The following CLN3 variants were observed in gnomAD, a reference collection of about 807,000 sequenced individuals.
The protein encoded by CLN3 is CLN3 lysosomal/endosomal transmembrane protein, battenin.
A neutral mutation model predicts 60.7 loss-of-function variants in CLN3; 49 were observed. That is an observed-to-expected ratio of 0.81 (90% confidence interval 0.64 to 1.02). CLN3 has a LOEUF of 1.02. Ranked by LOEUF, CLN3 falls within the 50% of genes least tolerant of loss-of-function variation. CLN3 has a pLI of 0.00. For synonymous variants in CLN3, 256 were observed against 245.8 expected, an observed-to-expected ratio of 1.04 and a Z score of -0.39; for missense variants, 516 against 557.4, an observed-to-expected ratio of 0.93 and a Z score of 0.75.
At chr16:28,490,667 A>G (rs1219047159) in intron 3 of CLN3, among the ~76,000 whole-genome samples, 5 of 148,680 alleles carry the variant, frequency 3.4e-5, no homozygotes, top group Non-Finnish European at 7.5e-5. Context: ...GGCTGAGGCA[A>G]AAGAATGGTG....
chr16:28,481,986 C>CAAAA, intron 14 of CLN3, 119 bp downstream of exon 14: 3 of 566,728 alleles, frequency 5.3e-6, no homozygotes, highest in Non-Finnish European at 5.9e-6. Context: ...GACTCTGTCT[C>CAAAA]AAAAAAAAAA....
At position 28,486,716 on chromosome 16, in the gene CLN3, T is replaced by G. The variant is rs938171442; in HGVS notation, c.461-66A>C. ...TGCCACACTGCCCAGGCCTCTAATG[T>G]GTCTGGCCATGGCCTCCTCAGTATC... is the stretch of plus-strand genomic sequence containing the variant. On this transcript the variant is annotated intron_variant, in intron 7 of 15. Coordinates refer to ENST00000636147, the MANE Select transcript of CLN3 (RefSeq NM_001042432.2). 8.3e-6 allele frequency: 12 copies of G among 1,443,300 alleles called. No homozygotes were observed. The African/African-American group carries it at 1.5e-4, about 19-fold the overall frequency. The allele number at this position is 1,443,300 out of a possible 1,614,324, so 89.4% of individuals were successfully genotyped here.
chr16:28,473,767 A>G (rs1422662126), downstream of CLN3, among the ~76,000 whole-genome samples: 1 of 152,208 alleles, frequency 6.6e-6, no homozygotes, highest in Non-Finnish European at 1.5e-5. Context: ...ATAAAAAAAG[A>G]CAATCCCATT....
At chr16:28,481,938 G>T (rs1212834928) in intron 14 of CLN3, among the ~76,000 whole-genome samples, 167 bp downstream of exon 14, 2 of 150,524 alleles carry the variant, frequency 1.3e-5, no homozygotes, top group Admixed American at 1.3e-4. Context: ...AGTAAGCCAA[G>T]ATTGCGCTAC....
chr16:28,484,019 CG>C lies in CLN3; in HGVS notation c.776del (p.Pro259ArgfsTer32). The C allele has an allele frequency of 1.2e-6, 2 of 1,609,116 alleles. No homozygotes were observed. Among genetic ancestry groups the C allele is most frequent in the Non-Finnish European group, 1.7e-6 (2 of 1,177,758 alleles). ...ARQPLIRTEA[P>X]ESKPGSSSSL... is the part of the protein sequence containing the mutation. Reference sequence around the variant, plus strand: ...TGTGTCTCCTACCTGGCTTCGACTCCGGGGCCTCGGTTCTTATGAGGGGCTG... The same window carrying C: ...TGTGTCTCCTACCTGGCTTCGACTCCGGGCCTCGGTTCTTATGAGGGGCTG... On this transcript the variant is annotated frameshift_variant, in exon 10 of 16. Coordinates refer to ENST00000636147, the MANE Select transcript of CLN3 (RefSeq NM_001042432.2). LOFTEE classifies it high-confidence loss of function.
downstream of CLN3, among the ~76,000 whole-genome samples, chr16:28,470,914 C>T (rs2045946363): frequency 9.0e-6 from 1 of 110,842 alleles, no homozygotes. Context: ...CGGTCTGGGC[C>T]CTCCCTTAGC....
chr16:28,483,040 G>A (rs1375368399), intron 10 of CLN3, among the ~76,000 whole-genome samples: 1 of 151,798 alleles, frequency 6.6e-6, no homozygotes, highest in African/African-American at 2.4e-5. Context: ...GGAGGCAGAG[G>A]TTGTAGTGAG....
In CLN3 at chr16:28,477,338, T is replaced by C; in HGVS notation, c.*178A>G. ...TGATGCCAGGAAGAAACTCCCCAAGTGGGAGACAATGGCTGGCCCCCCTGC... is the reference window on the plus strand; with the variant it reads ...TGATGCCAGGAAGAAACTCCCCAAGCGGGAGACAATGGCTGGCCCCCCTGC... On this transcript the variant is annotated 3_prime_UTR_variant, in exon 16 of 16. Coordinates refer to ENST00000636147, the MANE Select transcript of CLN3 (RefSeq NM_001042432.2). The C allele has an allele frequency of 2.7e-6, 2 of 753,820 alleles. No individual in the cohort carries two copies. The highest frequency in any genetic ancestry group is 2.2e-6 in the Non-Finnish European group (1 of 448,948). The allele number at this position is 753,820 out of a possible 1,614,324, so 46.7% of individuals were successfully genotyped here. A position where few individuals can be genotyped will look rare whatever the true frequency, so the allele number is the denominator to read the frequency against.
In CLN3 at chr16:28,486,558, TC is replaced by T; in HGVS notation, c.533+19del. 1.2e-6 allele frequency: 2 copies of T among 1,608,462 alleles called. No homozygotes were observed. The highest frequency in any genetic ancestry group is 8.5e-7 in the Non-Finnish European group (1 of 1,177,586). ...ACCATGGGACAGCCTCTCCCCACAC[TC>T]CCTGCTCCACCTGCTTACCTGGGGT... On this transcript the variant is annotated intron_variant, in intron 8 of 15. Coordinates refer to ENST00000636147, the MANE Select transcript of CLN3 (RefSeq NM_001042432.2).
In CLN3 at chr16:28,480,245, G is replaced by T. The variant is rs769777391; in HGVS notation, c.1056+1860C>A. ...TTTTTAATTTTTTGTAGAGGTGGGG[G>T]GTCTCACTATGTTGTCCAGTCTGGT... On this transcript the variant is annotated intron_variant, in intron 14 of 15. Coordinates refer to ENST00000636147, the MANE Select transcript of CLN3 (RefSeq NM_001042432.2). Among the ~76,000 whole-genome samples the T allele has an allele frequency of 2.7e-4, 41 of 151,856 alleles. 1 individual carries two copies. The highest frequency in any genetic ancestry group is 4.7e-4 in the Non-Finnish European group (32 of 67,952).
chr16:28,481,613 C>T (rs1203207942), intron 14 of CLN3, among the ~76,000 whole-genome samples: 1 of 152,202 alleles, frequency 6.6e-6, no homozygotes, highest in East Asian at 1.9e-4. Flanking sequence ...CTAAGTCACA[C>T]AGTGGCTGAG....
intron 10 of CLN3, 99 bp downstream of exon 10, chr16:28,483,907 C>T (rs1318625749): frequency 1.2e-6 from 1 of 837,008 alleles, no homozygotes; most frequent in Non-Finnish European, 2.0e-6. Flanking sequence ...AACCAGTACA[C>T]TCACTCTCTT....
Position 28,486,425 on chromosome 16 carries a change from A to G in CLN3, c.599T>C (p.Leu200Pro). The G allele has an allele frequency of 6.2e-7, 1 of 1,613,472 alleles. No homozygotes were observed. Residue 200 changes from leucine to proline, a missense_variant, in exon 9 of 16, where the codon CTG becomes CCG. By Grantham distance (98) the Leu-to-Pro change is moderately conservative (BLOSUM62 -3). Transcript: ENST00000636147. ...GAGLLGALSY[L>P]GLTQAGLSPQ... The stretch of plus-strand genomic sequence containing the variant: ...GGAGAGGCCGGCCTGGGTGAGGCCC[A>G]GGTAGGACAGGGCCCCCAGCAGCCC...
intron 3 of CLN3, 75 bp from the exon 4 acceptor site, chr16:28,489,461 T>G (rs936485270): frequency 2.0e-5 from 21 of 1,028,704 alleles, no homozygotes; most frequent in Non-Finnish European, 3.1e-5. Context: ...AAACCTTCCC[T>G]TACCTGTGCC....
At chr16:28,486,036 C>T (rs1384946546) in intron 9 of CLN3, among the ~76,000 whole-genome samples, 2 of 151,142 alleles carry the variant, frequency 1.3e-5, no homozygotes, top group African/African-American at 2.4e-5. Context: ...CTAACTCTGT[C>T]GCCCGGGCTG....
Position 28,492,033 on chromosome 16 carries a change from A to G in CLN3, c.-90T>C, listed in dbSNP as rs1362294732. ...TGAGGCCTGTACCTTTAAGAGCAGC[A>G]GAATGTTCTGCACTATGCAGAGGCC... is the stretch of plus-strand genomic sequence containing the variant. On this transcript the variant is annotated 5_prime_UTR_variant, in exon 1 of 16. Transcript: ENST00000636147. 1.0e-5 allele frequency: 6 copies of G among 582,042 alleles called. No individual in the cohort carries two copies. Among genetic ancestry groups the G allele is most frequent in the Middle Eastern group, 4.6e-4 (1 of 2,186 alleles). The allele number at this position is 582,042 out of a possible 1,614,324, so 36.1% of individuals were successfully genotyped here. A position where few individuals can be genotyped will look rare whatever the true frequency, so the allele number is the denominator to read the frequency against.
rs983558096 is a variant in CLN3 at position 28,491,283 on chromosome 16, G to T, written c.125+199C>A. The stretch of plus-strand genomic sequence containing the variant: ...AAATAATCCTACAGGTGGTAGGTAT[G>T]AGGATCTTGCTAAATCCGGAAGGTG... On this transcript the variant is annotated intron_variant, in intron 3 of 15. Coordinates refer to ENST00000636147, the MANE Select transcript of CLN3 (RefSeq NM_001042432.2). Among the ~76,000 whole-genome samples the T allele has an allele frequency of 3.2e-4, 49 of 152,254 alleles. 2 individuals are homozygous for T. The highest frequency in any genetic ancestry group is 6.5e-4 in the Non-Finnish European group (44 of 68,048).
At chr16:28,472,872 C>T (rs560316808), downstream of CLN3, among the ~76,000 whole-genome samples, 4 of 150,998 alleles carry the variant, frequency 2.6e-5, no homozygotes, top group African/African-American at 7.3e-5. Context: ...CTCCTGACCT[C>T]GTGATCTGCC....
At chr16:28,469,646 G>T (rs1419316596), downstream of CLN3, 24 of 317,260 alleles carry the variant, frequency 7.6e-5, no homozygotes, top group South Asian at 2.3e-5. Context: ...AAGGGGGTCG[G>T]TTTATGCTGG....
Sources: gnomAD v4.1 joint callset for allele counts (sites outside exome capture counted in the v4.1 genomes callset) on GRCh38, gnomAD v4.1.1 for gene constraint, MANE v1.5 for transcripts, NCBI Gene and HGNC (gene_info 2026-07-23, HGNC 2026-07-21) for gene names.